Variants in GPBP1L1 observed in about 807,000 individuals in gnomAD.
GPBP1L1 encodes the protein GC-rich promoter binding protein 1 like 1.
GPBP1L1 carries 23 observed loss-of-function variants against 52.5 expected under a neutral mutation model. That is an observed-to-expected ratio of 0.44 (90% CI 0.32 to 0.62). The LOEUF (loss-of-function observed/expected upper bound fraction) is 0.62, where lower values mean the gene tolerates loss of function less well. Among genes scored for constraint, GPBP1L1 ranks in the 20% least tolerant of loss-of-function variants. The probability of loss-of-function intolerance (pLI) is 0.06; values close to 1 mark genes in which losing one functional copy is unlikely to be tolerated. For missense variants in GPBP1L1, 596 were observed against 579.3 expected, an observed-to-expected ratio of 1.03 and a Z score of -0.30; for synonymous variants, 243 against 203.1, an observed-to-expected ratio of 1.20 and a Z score of -1.67.
Position 45,642,653 on chromosome 1 carries a change from A to G in GPBP1L1, c.478-154T>C, listed in dbSNP as rs1644688832. Among the ~76,000 whole-genome samples, 3 of 152,366 alleles carry G rather than the reference A, an allele frequency of 2.0e-5. No individual in the cohort carries two copies. In the South Asian group the frequency reaches 6.2e-4, roughly 32 times the overall value. ...TGACACTGTATTCAGAAACGTAACA[A>G]ACAGAAAATATCAAAACACAAAATC... On this transcript the variant is annotated intron_variant, in intron 6 of 12. Transcript: ENST00000355105.
intron 6 of GPBP1L1, among the ~76,000 whole-genome samples, chr1:45,648,370 C>CT (rs976508128): frequency 1.3e-5 from 2 of 152,192 alleles, no homozygotes; most frequent in Admixed American, 1.3e-4. Flanking sequence ...GGTTTGAACT[C>CT]TTGACTGGTC....
chr1:45,657,780 G>A (rs56065208), intron 4 of GPBP1L1, among the ~76,000 whole-genome samples: 1,761 of 152,272 alleles, frequency 0.012, 20 homozygotes, highest in Non-Finnish European at 0.02. Context: ...TTGAGCCCGG[G>A]AGTTCAAGGC....
chr1:45,683,922 A>AAAAAC (rs760517002), intron 2 of GPBP1L1, among the ~76,000 whole-genome samples: 17 of 150,156 alleles, frequency 1.1e-4, no homozygotes, highest in Non-Finnish European at 1.9e-4. Context: ...ACCCCGTATC[A>AAAAAC]AAAACAAAAC....
At chr1:45,664,642 T>C (rs1644988201) in intron 2 of GPBP1L1, among the ~76,000 whole-genome samples, 1 of 151,912 alleles carries the variant, frequency 6.6e-6, no homozygotes, top group Non-Finnish European at 1.5e-5. Flanking sequence ...TGGTCTCAAA[T>C]GCCTGAGCTC....
intron 2 of GPBP1L1, among the ~76,000 whole-genome samples, chr1:45,665,743 T>TAAAAA (rs949281797): frequency 1.8e-5 from 2 of 109,706 alleles, no homozygotes; most frequent in Non-Finnish European, 3.6e-5. Context: ...GACGCCGTCT[T>TAAAAA]AAAAAAAAAA....
chr1:45,677,825 CAAAAGAAATTCTGACACTA>C (rs1462101334), intron 2 of GPBP1L1, among the ~76,000 whole-genome samples: 1 of 152,128 alleles, frequency 6.6e-6, no homozygotes, highest in East Asian at 1.9e-4. Context: ...ATCAAACTGG[CAAAAGAAATTCTGACACTA>C]CAAAGTGTTA....
At position 45,655,331 on chromosome 1, in the gene GPBP1L1, A is replaced by G; in HGVS notation, c.61-12T>C. On this transcript the variant is annotated splice_polypyrimidine_tract_variant and intron_variant, in intron 4 of 12. Coordinates refer to ENST00000355105, the MANE Select transcript of GPBP1L1 (RefSeq NM_021639.5). ...GTGGCAGTAGGTGACTAAGATGATG[A>G]AGTATGGAGAGGCAAATGGATAAAT... 2 of 1,613,780 alleles carry G rather than the reference A, an allele frequency of 1.2e-6. No homozygotes were observed. The highest frequency in any genetic ancestry group is 1.7e-6 in the Non-Finnish European group (2 of 1,179,754).
intron 4 of GPBP1L1, 173 bp downstream of exon 4, chr1:45,658,855 C>T (rs10890337): frequency 0.3 from 172,506 of 573,716 alleles, 26,507 homozygotes; most frequent in South Asian, 0.36. Context: ...GTCAGGAGGA[C>T]TGCCTGAGCC....
upstream of GPBP1L1, chr1:45,687,408 GTGTAA>G (rs1645304227): frequency 6.6e-6 from 1 of 152,364 alleles, no homozygotes; most frequent in Admixed American, 6.5e-5. Flanking sequence ...AAGCTAAACC[GTGTAA>G]TGGCTGGCAA....
In GPBP1L1 at chr1:45,645,761, G is replaced by GT. The variant is rs200652331; in HGVS notation, c.478-3263dup. 8.8e-3 allele frequency: 2,691 copies of GT among 304,208 alleles called. 119 individuals carry two copies. Among genetic ancestry groups the GT allele is most frequent in the South Asian group, 0.021 (766 of 37,310 alleles). 18.8% of individuals were successfully genotyped at this position (304,208 alleles called of 1,614,324 possible). On this transcript the variant is annotated intron_variant, in intron 6 of 12. Coordinates refer to ENST00000355105, the MANE Select transcript of GPBP1L1 (RefSeq NM_021639.5). The stretch of plus-strand genomic sequence containing the variant: ...AAAGTCTTGGGAACGATATTCCGAA[G>GT]TTTTTTGTTTTTTTTTTTTTTGAGG...
intron 8 of GPBP1L1, among the ~76,000 whole-genome samples, chr1:45,637,456 C>T (rs1043299888): frequency 6.7e-6 from 1 of 149,488 alleles, no homozygotes; most frequent in Admixed American, 6.9e-5. Context: ...CTGCCATTAC[C>T]ACCTCTGCCA....
intron 6 of GPBP1L1, among the ~76,000 whole-genome samples, chr1:45,650,284 C>G (rs973360422): frequency 5.3e-5 from 8 of 152,282 alleles, no homozygotes; most frequent in African/African-American, 1.7e-4. Flanking sequence ...TATCATTCAT[C>G]ACCAACTTAC....
intron 8 of GPBP1L1, among the ~76,000 whole-genome samples, chr1:45,636,860 G>C (rs1457991363): frequency 6.6e-6 from 1 of 152,136 alleles, no homozygotes; most frequent in Non-Finnish European, 1.5e-5. Context: ...TTCAAGACAG[G>C]AGGCATTCTG....
intron 6 of GPBP1L1, among the ~76,000 whole-genome samples, chr1:45,652,638 AATC>A (rs1644832335): frequency 6.6e-6 from 1 of 152,292 alleles, no homozygotes; most frequent in African/African-American, 2.4e-5. Flanking sequence ...ATTATGTTAA[AATC>A]ATTATGGGTT....
At chr1:45,678,107 TC>T (rs1645168568) in intron 2 of GPBP1L1, among the ~76,000 whole-genome samples, 1 of 151,866 alleles carries the variant, frequency 6.6e-6, no homozygotes, top group Non-Finnish European at 1.5e-5. Context: ...AATAGGCAAA[TC>T]CAGAGAGAGA....
intron 6 of GPBP1L1, among the ~76,000 whole-genome samples, chr1:45,650,018 G>C (rs747320671): frequency 8.6e-5 from 13 of 152,044 alleles, no homozygotes; most frequent in Non-Finnish European, 1.9e-4. Context: ...TATTGTACTT[G>C]TTAGGACCTC....
intron 2 of GPBP1L1, among the ~76,000 whole-genome samples, chr1:45,678,640 C>T (rs748465449): frequency 6.6e-6 from 1 of 152,094 alleles, no homozygotes; most frequent in Non-Finnish European, 1.5e-5. Flanking sequence ...CCAAACCACT[C>T]CAGGTTAAGT....
intron 2 of GPBP1L1, among the ~76,000 whole-genome samples, chr1:45,682,499 G>A (rs114074250): frequency 5.5e-4 from 83 of 152,252 alleles, no homozygotes; most frequent in African/African-American, 1.7e-3. Context: ...TAATGACTTT[G>A]TTAAAATCAA....
intron 2 of GPBP1L1, among the ~76,000 whole-genome samples, chr1:45,671,854 T>TA: frequency 6.6e-6 from 1 of 151,792 alleles, no homozygotes; most frequent in African/African-American, 2.4e-5. Context: ...AATAAATAAA[T>TA]AATTTTAAAA....
Sources: gnomAD v4.1 joint callset for allele counts (sites outside exome capture counted in the v4.1 genomes callset) on GRCh38, gnomAD v4.1.1 for gene constraint, MANE v1.5 for transcripts, NCBI Gene and HGNC (gene_info 2026-07-23, HGNC 2026-07-21) for gene names.